MED13L: variants seen among roughly 807,000 people sequenced by gnomAD.
The protein encoded by MED13L is mediator of RNA polymerase II transcription subunit 13-like.
In MED13L, 7 loss-of-function variants were observed where a neutral mutation model predicts 220.9. The ratio of observed to expected loss-of-function variants is 0.03; its 90% CI spans 0.02 to 0.06. MED13L has a LOEUF of 0.06. Among genes scored for constraint, MED13L ranks in the 10% least tolerant of loss-of-function variants. The pLI, the probability that MED13L is intolerant of heterozygous loss-of-function variation, is 1.00. For missense variants in MED13L, 1,965 were observed against 2,760.5 expected (o/e 0.71, Z 6.46); for synonymous variants, 1,011 against 1,015.2 (o/e 1.00, Z 0.08).
chr12:115,983,591 G>A (rs779631618), intron 20 of MED13L, 51 bp from the exon 21 acceptor site: 1 of 1,584,854 alleles, frequency 6.3e-7, no homozygotes, highest in Non-Finnish European at 8.7e-7. Flanking sequence ...TGCAGTGTCG[G>A]ACTGAACCAG....
At position 116,276,581 on chromosome 12, in the gene MED13L, T is replaced by C. The variant is rs550545348; in HGVS notation, c.72+479A>G. On this transcript the variant is annotated intron_variant, in intron 1 of 30. Coordinates refer to ENST00000281928, the MANE Select transcript of MED13L (RefSeq NM_015335.5). ...TTCAATCAACTATTTTAGGGCGAAATTGCAGGTGTCATTATGGAATTTAAA... is the reference window on the plus strand; with the variant it reads ...TTCAATCAACTATTTTAGGGCGAAACTGCAGGTGTCATTATGGAATTTAAA... 42 of 1,223,026 alleles carry C rather than the reference T, an allele frequency of 3.4e-5. No homozygotes were observed. In the Admixed American group the frequency reaches 4.0e-4, roughly 12 times the overall value. The allele number at this position is 1,223,026 out of a possible 1,614,324, so 75.8% of individuals were successfully genotyped here.
At chr12:116,266,747 T>C (rs1003175420) in intron 1 of MED13L, among the ~76,000 whole-genome samples, 4 of 152,234 alleles carry the variant, frequency 2.6e-5, no homozygotes, top group Admixed American at 2.0e-4. Flanking sequence ...TCTAGTATTT[T>C]AGAACACAGG....
Position 116,015,178 on chromosome 12 carries a change from G to A in MED13L, c.1106C>T (p.Pro369Leu). The change falls in exon 8 of 31, where the codon CCT becomes CTT. Residue 369 changes from proline (P) to leucine (L), a missense_variant. Physicochemically the swap from Pro to Leu is moderately conservative, Grantham distance 98. Coordinates refer to ENST00000281928, the MANE Select transcript of MED13L (RefSeq NM_015335.5). ...GACCATATGATTGTGGAGTTTTGGA[G>A]GAATCTTCCCCGATCTCTTTGGACT... ...MHSPKRSGKI[P>L]PKLHNHMVHR... The A allele has an allele frequency of 6.2e-7, 1 of 1,613,814 alleles. No homozygotes were observed. The highest frequency in any genetic ancestry group is 8.5e-7 in the Non-Finnish European group (1 of 1,179,880).
Position 116,218,264 on chromosome 12 carries a change from C to G in MED13L, c.310+19204G>C, listed in dbSNP as rs193275716. 1.2e-3 allele frequency among the ~76,000 whole-genome samples: 184 copies of G among 152,228 alleles called. 1 individual carries two copies. The highest frequency in any genetic ancestry group is 2.3e-3 in the South Asian group (11 of 4,828). On this transcript the variant is annotated intron_variant, in intron 2 of 30. Coordinates refer to ENST00000281928, the MANE Select transcript of MED13L (RefSeq NM_015335.5). ...GATAATAAAATGGGATTTTTTATAG[C>G]TCTCAAGAATATCCAATAACCTTCA... is the stretch of plus-strand genomic sequence containing the variant.
At chr12:116,091,195 G>GT (rs1038203713) in intron 4 of MED13L, among the ~76,000 whole-genome samples, 43 of 150,502 alleles carry the variant, frequency 2.9e-4, no homozygotes, top group African/African-American at 1.0e-3. Flanking sequence ...AAAAAACAAG[G>GT]TATCTCTTTT....
rs539124673 is a variant in MED13L, at chr12:115,997,302, G to A, written c.2570-72C>T. 2.3e-4 allele frequency: 271 copies of A among 1,169,410 alleles called. 1 individual carries two copies. In the African/African-American group the frequency reaches 2.8e-3, roughly 12 times the overall value. 72.4% of individuals were successfully genotyped at this position (1,169,410 alleles called of 1,614,324 possible). On this transcript the variant is annotated intron_variant, in intron 14 of 30. Transcript: ENST00000281928. Reference sequence around the variant, plus strand: ...AAAAAGTCCTAGCTTATAGCCAGGCGCACTCTTTGGCACCAAAAATAGTGC... The same window carrying A: ...AAAAAGTCCTAGCTTATAGCCAGGCACACTCTTTGGCACCAAAAATAGTGC...
chr12:116,121,726 C>T (rs1435324545), intron 2 of MED13L, among the ~76,000 whole-genome samples: 3 of 152,112 alleles, frequency 2.0e-5, no homozygotes, highest in Non-Finnish European at 4.4e-5. Context: ...CTGAAATGAA[C>T]GTCTAGACAT....
chr12:116,223,594 C>T (rs563761787), intron 2 of MED13L, among the ~76,000 whole-genome samples: 82 of 152,202 alleles, frequency 5.4e-4, no homozygotes, highest in African/African-American at 1.9e-3. Flanking sequence ...GTCCCAGCAG[C>T]TCAGGAGGCT....
chr12:116,064,375 C>T (rs945949212), intron 4 of MED13L, among the ~76,000 whole-genome samples: 3 of 152,022 alleles, frequency 2.0e-5, no homozygotes, highest in African/African-American at 7.3e-5. Context: ...TATGTACAGA[C>T]GTACTTTTTA....
At chr12:116,195,610 C>A (rs1320677880) in intron 2 of MED13L, among the ~76,000 whole-genome samples, 3 of 152,052 alleles carry the variant, frequency 2.0e-5, no homozygotes, top group African/African-American at 7.2e-5. Flanking sequence ...CGCTACCACA[C>A]CAGCTAATTT....
chr12:116,255,934 T>C (rs1194736165), intron 1 of MED13L, among the ~76,000 whole-genome samples: 1 of 152,154 alleles, frequency 6.6e-6, no homozygotes, highest in Non-Finnish European at 1.5e-5. Flanking sequence ...GCTCAGCCAG[T>C]ATAATGCAAA....
chr12:116,272,668 A>AG (rs761501469), intron 1 of MED13L, among the ~76,000 whole-genome samples: 14 of 152,228 alleles, frequency 9.2e-5, no homozygotes, highest in Non-Finnish European at 1.3e-4. Context: ...CACAAAGAAT[A>AG]GGCCCTACCT....
chr12:116,217,601 A>G (rs186994086), intron 2 of MED13L, among the ~76,000 whole-genome samples: 3 of 152,216 alleles, frequency 2.0e-5, no homozygotes, highest in Non-Finnish European at 4.4e-5. Context: ...AACTTTGAAG[A>G]GGCAAAAACA....
intron 1 of MED13L, among the ~76,000 whole-genome samples, chr12:116,271,903 A>T (rs1873391580): frequency 6.6e-6 from 1 of 152,154 alleles, no homozygotes; most frequent in Admixed American, 6.5e-5. Flanking sequence ...CTTTCAAAAA[A>T]AACACACACA....
At chr12:115,986,146 C>A in intron 19 of MED13L, 120 bp downstream of exon 19, 1 of 1,043,782 alleles carries the variant, frequency 9.6e-7, no homozygotes, top group Non-Finnish European at 1.5e-6. Context: ...TCTTCATCCA[C>A]CTGTTTGCAA....
chr12:115,965,459 C>T (rs904417026), intron 29 of MED13L, among the ~76,000 whole-genome samples: 6 of 152,206 alleles, frequency 3.9e-5, no homozygotes, highest in African/African-American at 1.4e-4. Flanking sequence ...CCAGGGCCTG[C>T]TCCCCACATC....
chr12:116,272,554 A>G (rs1249198984), intron 1 of MED13L, among the ~76,000 whole-genome samples: 3 of 152,018 alleles, frequency 2.0e-5, no homozygotes, highest in Non-Finnish European at 4.4e-5. Context: ...TCTGGTCTCA[A>G]AAAAAAACCA....
chr12:116,076,114 C>A (rs1870777802), intron 4 of MED13L, among the ~76,000 whole-genome samples: 1 of 151,916 alleles, frequency 6.6e-6, no homozygotes, highest in East Asian at 1.9e-4. Context: ...GGGGTTTCAC[C>A]GTGTTAGCCA....
At chr12:116,151,247 G>C (rs1409099262) in intron 2 of MED13L, among the ~76,000 whole-genome samples, 1 of 152,034 alleles carries the variant, frequency 6.6e-6, no homozygotes, top group Non-Finnish European at 1.5e-5. Context: ...TGTATAAGAG[G>C]TCTTCATAAG....
Sources: allele counts gnomAD v4.1 joint callset (sites outside exome capture counted in the v4.1 genomes callset), GRCh38; gene constraint gnomAD v4.1.1; transcripts MANE v1.5; gene names NCBI Gene and HGNC (gene_info 2026-07-23, HGNC 2026-07-21).